SLC49A3: variants seen among roughly 807,000 people sequenced by gnomAD.
SLC49A3 encodes solute carrier family 49 member A3.
SLC49A3 carries 50 observed loss-of-function variants against 43.8 expected under a neutral mutation model. The ratio of observed to expected loss-of-function variants is 1.14; its 90% CI spans 0.91 to 1.45. The LOEUF is 1.45. Among genes scored for constraint, SLC49A3 ranks in the 40% most tolerant of loss-of-function variants. SLC49A3 has a pLI of 0.00. For missense variants in SLC49A3, 906 were observed against 774.1 expected, an observed-to-expected ratio of 1.17 and a Z score of -2.02; for synonymous variants, 413 against 352.0, an observed-to-expected ratio of 1.17 and a Z score of -1.94.
downstream of SLC49A3, chr4:678,791 G>GC: frequency 6.2e-7 from 1 of 1,607,762 alleles, no homozygotes; most frequent in Non-Finnish European, 8.5e-7. Flanking sequence ...TTCACTGGGA[G>GC]CCCCCACCCC....
chr4:688,486 G>T (rs1037636040), intron 1 of SLC49A3, among the ~76,000 whole-genome samples: 2 of 152,214 alleles, frequency 1.3e-5, no homozygotes, highest in African/African-American at 2.4e-5. Context: ...GGCTCCGGGG[G>T]ATGGCTGATG....
chr4:680,600 G>A, downstream of SLC49A3: 1 of 1,611,986 alleles, frequency 6.2e-7, no homozygotes, highest in Non-Finnish European at 8.5e-7. Flanking sequence ...GAGTGCCCGG[G>A]CGGCCAGGGC....
intron 1 of SLC49A3, among the ~76,000 whole-genome samples, chr4:688,525 C>T (rs1048019324): frequency 1.3e-5 from 2 of 152,208 alleles, no homozygotes; most frequent in Non-Finnish European, 1.5e-5. Flanking sequence ...AAGGCTGCAG[C>T]GTGCAACACC....
At chr4:681,651 TCCAGCGCCGCCCCGC>T (rs1560157686), downstream of SLC49A3, among the ~76,000 whole-genome samples, 354 of 2,730 alleles carry the variant, frequency 0.13, 24 homozygotes, top group Non-Finnish European at 0.14. Flanking sequence ...CCCCGCCCCC[TCCAGCGCCGCCCCGC>T]CCCCTCCAGC....
At chr4:678,243 C>T (rs1176731381), downstream of SLC49A3, 32 of 1,477,242 alleles carry the variant, frequency 2.2e-5, no homozygotes, top group Non-Finnish European at 2.6e-5. Context: ...GTGGGAAGTA[C>T]GTGCCTCACG....
chr4:686,522 T>C lies in SLC49A3; in HGVS notation c.294+10A>G. 1 of 1,610,658 alleles carries C rather than the reference T, an allele frequency of 6.2e-7. No homozygotes were observed. The highest frequency in any genetic ancestry group is 8.5e-7 in the Non-Finnish European group (1 of 1,179,122). ...TCCCGGAGCGGGCCATGGTGTGGGG[T>C]CTGACTCACCGCCGCACGGAGCCCG... On this transcript the variant is annotated intron_variant, in intron 2 of 9. Coordinates refer to ENST00000322224, the MANE Select transcript of SLC49A3 (RefSeq NM_032219.4).
At chr4:680,883 T>A, downstream of SLC49A3, 1 of 654,806 alleles carries the variant, frequency 1.5e-6, no homozygotes, top group Non-Finnish European at 2.6e-6. Flanking sequence ...GTAACCTCCT[T>A]CCGGCTCTGT....
upstream of SLC49A3, among the ~76,000 whole-genome samples, chr4:690,973 C>T (rs1741837394): frequency 6.6e-6 from 1 of 152,226 alleles, no homozygotes; most frequent in Non-Finnish European, 1.5e-5. Flanking sequence ...AAACCATCTA[C>T]AGAACTTGCA....
At chr4:680,804 C>G (rs1249404326), downstream of SLC49A3, 1 of 640,700 alleles carries the variant, frequency 1.6e-6, no homozygotes, top group African/African-American at 1.8e-5. Flanking sequence ...GGTGGGGCGG[C>G]TTCCCCTCAG....
chr4:682,415 C>T, intron 9 of SLC49A3, 39 bp from the exon 10 acceptor site: 1 of 1,317,948 alleles, frequency 7.6e-7, no homozygotes, highest in East Asian at 2.8e-5. Context: ...CAGCCAAGCC[C>T]AGGGGCCACA....
In SLC49A3 at chr4:686,311, A is replaced by G. The variant is rs766638391; in HGVS notation, c.295-9T>C. ...CACGCACCCAGGATGGTCTGCGAGGAGGGGGTCGGGGACCGGGTCAGGAAC... is the reference window on the plus strand; with the variant it reads ...CACGCACCCAGGATGGTCTGCGAGGGGGGGGTCGGGGACCGGGTCAGGAAC... On this transcript the variant is annotated splice_polypyrimidine_tract_variant and intron_variant, in intron 2 of 9. Coordinates refer to ENST00000322224, the MANE Select transcript of SLC49A3 (RefSeq NM_032219.4). 1.7e-5 allele frequency: 28 copies of G among 1,612,420 alleles called. No homozygotes were observed. The South Asian group carries it at 2.6e-4, about 15-fold the overall frequency.
chr4:683,549 C>T, intron 7 of SLC49A3, 60 bp downstream of exon 7: 3 of 1,561,648 alleles, frequency 1.9e-6, no homozygotes, highest in Non-Finnish European at 2.6e-6. Context: ...CAACCGCCCT[C>T]TCCGGGCCTC....
downstream of SLC49A3, among the ~76,000 whole-genome samples, chr4:677,476 C>T (rs1738961885): frequency 6.6e-6 from 1 of 152,224 alleles, no homozygotes. Context: ...AGGCAAGGAG[C>T]TCCCAGCCAT....
downstream of SLC49A3, among the ~76,000 whole-genome samples, chr4:681,336 A>ACCCCT (rs1739479571): frequency 6.7e-6 from 1 of 149,450 alleles, no homozygotes; most frequent in Admixed American, 6.6e-5. Context: ...GCGGTTGGAG[A>ACCCCT]CCCCTCCCCT....
At chr4:677,424 T>C (rs933575845), downstream of SLC49A3, among the ~76,000 whole-genome samples, 1 of 152,126 alleles carries the variant, frequency 6.6e-6, no homozygotes, top group African/African-American at 2.4e-5. Context: ...CGTGGCCATC[T>C]CCATGGCTCC....
Position 682,904 on chromosome 4 carries a change from GC to G in SLC49A3, c.1152-15del. Reference sequence around the variant, plus strand: ...CCCTCGGCCTGCCTGGACACACGTGGCCCTCAGCCCCCGCTGCACTGCCCAC... The same window carrying G: ...CCCTCGGCCTGCCTGGACACACGTGGCCTCAGCCCCCGCTGCACTGCCCAC... On this transcript the variant is annotated splice_polypyrimidine_tract_variant and intron_variant, in intron 8 of 9. Coordinates refer to ENST00000322224, the MANE Select transcript of SLC49A3 (RefSeq NM_032219.4). The G allele has an allele frequency of 6.4e-7, 1 of 1,569,404 alleles. No individual in the cohort carries two copies. Among genetic ancestry groups the G allele is most frequent in the Non-Finnish European group, 8.7e-7 (1 of 1,153,550 alleles).
At chr4:677,655 C>T (rs536118051), downstream of SLC49A3, among the ~76,000 whole-genome samples, 10 of 152,218 alleles carry the variant, frequency 6.6e-5, no homozygotes, top group Non-Finnish European at 1.0e-4. Context: ...GTGCCCCTTC[C>T]TCTGGCTCCT....
chr4:686,321 G>T lies in SLC49A3; in HGVS notation c.295-19C>A. 1 of 1,611,866 alleles carries T rather than the reference G, an allele frequency of 6.2e-7. No individual in the cohort carries two copies. Among genetic ancestry groups the T allele is most frequent in the Non-Finnish European group, 8.5e-7 (1 of 1,179,410 alleles). On this transcript the variant is annotated intron_variant, in intron 2 of 9. Coordinates refer to ENST00000322224, the MANE Select transcript of SLC49A3 (RefSeq NM_032219.4). ...GGATGGTCTGCGAGGAGGGGGTCGG[G>T]GACCGGGTCAGGAACGCTGCCACCA... is the stretch of plus-strand genomic sequence containing the variant.
At position 682,324 on chromosome 4, in the gene SLC49A3, C is replaced by T. The variant is rs768783287; in HGVS notation, c.1314G>A (p.Ala438=). Residue 438 remains alanine (A), a synonymous_variant, in exon 10 of 10, where the codon GCG becomes GCA. Coordinates refer to ENST00000322224, the MANE Select transcript of SLC49A3 (RefSeq NM_032219.4). ...GCCGGTATGGGGTGTGGAAGAAGAC[C>T]GCCAGGATGCAGCTGAAGAAGGTGC... ...GLCTFFSCIL[A]VFFHTPYRRL... 4.5e-6 allele frequency: 6 copies of T among 1,347,422 alleles called. No homozygotes were observed. In the African/African-American group the frequency reaches 4.5e-5, roughly 10 times the overall value. The allele number at this position is 1,347,422 out of a possible 1,614,324, so 83.5% of individuals were successfully genotyped here.
Sources: gnomAD v4.1 joint callset for allele counts (sites outside exome capture counted in the v4.1 genomes callset) on GRCh38, gnomAD v4.1.1 for gene constraint, MANE v1.5 for transcripts, NCBI Gene and HGNC (gene_info 2026-07-23, HGNC 2026-07-21) for gene names.